PRKG2: variants seen among roughly 807,000 people sequenced by gnomAD.
PRKG2 encodes the protein cGMP-dependent protein kinase 2.
In PRKG2, 33 loss-of-function variants were observed where a neutral mutation model predicts 97.2. The observed-to-expected ratio is 0.34, with a 90% CI of 0.26 to 0.45. PRKG2 has a LOEUF of 0.45. Among genes scored for constraint, PRKG2 ranks in the 20% least tolerant of loss-of-function variants. PRKG2 has a pLI of 1.00. For synonymous variants in PRKG2, 330 were observed against 321.8 expected (o/e 1.03, Z -0.27); for missense variants, 638 against 900.0 (o/e 0.71, Z 3.73).
chr4:81,142,239 AG>A (rs1288684972), intron 11 of PRKG2, among the ~76,000 whole-genome samples: 1 of 152,246 alleles, frequency 6.6e-6, no homozygotes, highest in African/African-American at 2.4e-5. Flanking sequence ...TCAACACTAC[AG>A]AAGGCTTCTC....
At position 81,152,061 on chromosome 4, in the gene PRKG2, A is replaced by G; in HGVS notation, c.991-7T>C. On this transcript the variant is annotated splice_polypyrimidine_tract_variant and splice_region_variant and intron_variant, in intron 7 of 18. Transcript: ENST00000264399. ...TGCTCTGTGTTACTTTTACCTAAACAATGTTAAGCAATACAAACAGAAAGA... is the reference window on the plus strand; with the variant it reads ...TGCTCTGTGTTACTTTTACCTAAACGATGTTAAGCAATACAAACAGAAAGA... The G allele has an allele frequency of 6.3e-7, 1 of 1,585,384 alleles. No individual in the cohort carries two copies. The highest frequency in any genetic ancestry group is 8.6e-7 in the Non-Finnish European group (1 of 1,159,602).
intron 8 of PRKG2, among the ~76,000 whole-genome samples, chr4:81,149,892 A>C (rs959603641): frequency 3.3e-5 from 5 of 152,176 alleles, no homozygotes; most frequent in Non-Finnish European, 7.4e-5. Flanking sequence ...GACAGGAAAA[A>C]CACTGGCAGC....
In PRKG2 at chr4:81,144,246, T is replaced by C. The variant is rs757804496; in HGVS notation, c.1239A>G (p.Glu413=). Residue 413 remains glutamate, a synonymous_variant, in exon 10 of 19, where the codon GAA becomes GAG. Transcript: ENST00000264399. ...GYVANLNRDD[E]KRHAKRSMSN... ...CCTCCACTTACTTCGCATGTCTTTT[T>C]TCATCATCACGGTTCAGGTTTGCCA... The C allele has an allele frequency of 6.8e-6, 11 of 1,609,196 alleles. No individual in the cohort carries two copies. The highest frequency in any genetic ancestry group is 2.7e-5 in the African/African-American group (2 of 74,816).
chr4:81,144,484 A>T (rs1007451674), intron 9 of PRKG2, among the ~76,000 whole-genome samples, 154 bp from the exon 10 acceptor site: 1 of 152,040 alleles, frequency 6.6e-6, no homozygotes, highest in African/African-American at 2.4e-5. Context: ...TGTAATATGT[A>T]CAAGGGTTAT....
At chr4:81,094,726 C>T (rs1188335783) in intron 17 of PRKG2, among the ~76,000 whole-genome samples, 1 of 151,812 alleles carries the variant, frequency 6.6e-6, no homozygotes, top group Non-Finnish European at 1.5e-5. Context: ...ATGGGAGGAT[C>T]TGTGGCAAAG....
At chr4:81,179,341 C>T (rs2110093980) in intron 2 of PRKG2, among the ~76,000 whole-genome samples, 1 of 152,250 alleles carries the variant, frequency 6.6e-6, no homozygotes, top group African/African-American at 2.4e-5. Flanking sequence ...AAATGACTAA[C>T]TTACTCTTCA....
intron 2 of PRKG2, among the ~76,000 whole-genome samples, chr4:81,175,165 T>C (rs1288678146): frequency 1.3e-5 from 2 of 152,124 alleles, no homozygotes; most frequent in Admixed American, 6.6e-5. Flanking sequence ...TTTTGAATAT[T>C]ATTCTGATAG....
chr4:81,109,763 G>A (rs1743715961), intron 15 of PRKG2, among the ~76,000 whole-genome samples: 1 of 152,140 alleles, frequency 6.6e-6, no homozygotes, highest in Non-Finnish European at 1.5e-5. Flanking sequence ...TTACAAATGT[G>A]AGGTAATATC....
intron 2 of PRKG2, among the ~76,000 whole-genome samples, chr4:81,178,160 G>A (rs986072419): frequency 1.3e-5 from 2 of 150,264 alleles, no homozygotes; most frequent in African/African-American, 2.4e-5. Flanking sequence ...AGCAAAATAG[G>A]CTAGCTCTCA....
At chr4:81,149,729 T>C (rs1337944142) in intron 8 of PRKG2, among the ~76,000 whole-genome samples, 1 of 152,074 alleles carries the variant, frequency 6.6e-6, no homozygotes, top group Non-Finnish European at 1.5e-5. Context: ...ACACAAAAGG[T>C]ACATCCACAA....
intron 6 of PRKG2, among the ~76,000 whole-genome samples, chr4:81,162,658 C>CTTCCCAAT (rs1749671261): frequency 6.6e-6 from 1 of 152,134 alleles, no homozygotes; most frequent in African/African-American, 2.4e-5. Flanking sequence ...CCCTTCATCC[C>CTTCCCAAT]TTCCCAATTT....
chr4:81,092,683 C>A (rs1459673198), intron 17 of PRKG2, among the ~76,000 whole-genome samples: 16 of 152,168 alleles, frequency 1.1e-4, no homozygotes, highest in Non-Finnish European at 2.9e-5. Context: ...AATTCTTATT[C>A]ATCTTCTCAC....
At chr4:81,129,593 T>A (rs1360074635) in intron 14 of PRKG2, among the ~76,000 whole-genome samples, 1 of 152,154 alleles carries the variant, frequency 6.6e-6, no homozygotes, top group African/African-American at 2.4e-5. Flanking sequence ...TGTAATGCCC[T>A]TCTTTGTCTT....
Position 81,171,799 on chromosome 4 carries a change from G to C in PRKG2, c.634C>G (p.Arg212Gly). 12 of 1,599,614 alleles carry C rather than the reference G, an allele frequency of 7.5e-6. No homozygotes were observed. Among genetic ancestry groups the C allele is most frequent in the Non-Finnish European group, 9.4e-6 (11 of 1,173,264 alleles). ...TTCTCCCCTTGGAACACCTCTAGTC[G>C]ACCCTCTATCAAGCAGAATTTTAAA... ...GNHIFVLAEG[R>G]LEVFQGEKLL... The change falls in exon 4 of 19, where the codon CGA becomes GGA. Residue 212 changes from arginine to glycine, a missense_variant. Physicochemically the swap from Arg to Gly is moderately radical, Grantham distance 125. Around this residue, in one of 3 missense-constraint regions of PRKG2, gnomAD observed 332 missense variants for 421.7 expected, o/e 0.79. Transcript: ENST00000264399.
intron 14 of PRKG2, among the ~76,000 whole-genome samples, chr4:81,128,428 C>T (rs1311582256): frequency 6.6e-6 from 1 of 152,142 alleles, no homozygotes; most frequent in Non-Finnish European, 1.5e-5. Flanking sequence ...CTTTGTACCT[C>T]TGTTAGAATT....
At chr4:81,205,355 G>A (rs1753591133) in intron 1 of PRKG2, among the ~76,000 whole-genome samples, 1 of 152,076 alleles carries the variant, frequency 6.6e-6, no homozygotes, top group Non-Finnish European at 1.5e-5. Flanking sequence ...TGTTTTCTCT[G>A]GACAGTCTCT....
At chr4:81,123,339 C>T (rs931325996) in intron 14 of PRKG2, among the ~76,000 whole-genome samples, 3 of 152,156 alleles carry the variant, frequency 2.0e-5, no homozygotes, top group Non-Finnish European at 4.4e-5. Flanking sequence ...CCTTTTAATT[C>T]TAACCTTTGT....
At chr4:81,108,824 A>G (rs1445229857) in intron 15 of PRKG2, among the ~76,000 whole-genome samples, 1 of 152,128 alleles carries the variant, frequency 6.6e-6, no homozygotes, top group Non-Finnish European at 1.5e-5. Flanking sequence ...TTGGGCCCAG[A>G]AGGTGGAGGC....
At chr4:81,102,168 CTACAGGGAAGGAAATTCAAAA>C (rs1410378623) in intron 17 of PRKG2, among the ~76,000 whole-genome samples, 1 of 152,140 alleles carries the variant, frequency 6.6e-6, no homozygotes, top group African/African-American at 2.4e-5. Context: ...AAATTAATCC[CTACAGGGAAGGAAATTCAAAA>C]TTCTTTATTG....
Sources: gnomAD v4.1 joint callset for allele counts (sites outside exome capture counted in the v4.1 genomes callset) on GRCh38, gnomAD v4.1.1 for gene constraint, gnomAD v4.1.1 regional missense constraint, MANE v1.5 for transcripts, NCBI Gene and HGNC (gene_info 2026-07-23, HGNC 2026-07-21) for gene names.